The following SQLE variants were observed in gnomAD, a reference collection of about 807,000 sequenced individuals.
The protein encoded by SQLE is squalene monooxygenase.
Under a neutral mutation model 60.7 loss-of-function variants are expected in SQLE, and 29 were observed. That is an observed-to-expected ratio of 0.48 (90% CI 0.36 to 0.65). The LOEUF is 0.65. SQLE is among the 30% of genes least tolerant of loss of function. SQLE has a pLI of 0.00. For missense variants in SQLE, 605 were observed against 684.1 expected, an observed-to-expected ratio of 0.88 and a Z score of 1.29; for synonymous variants, 237 against 246.8, an observed-to-expected ratio of 0.96 and a Z score of 0.37.
In SQLE at chr8:125,016,246, C is replaced by T. The variant is rs1348182774; in HGVS notation, c.1205-1813C>T. On this transcript the variant is annotated intron_variant, in intron 7 of 10. Transcript: ENST00000265896. This position sits in a 1 kb window ranked among gnomAD's most constrained non-coding sequence, Gnocchi z 4.1. ...TAAAGGCCAAGAACTTAGATTTGCT[C>T]TTTTGAAATTATTTTCTAGATCTTG... Among the ~76,000 whole-genome samples the T allele has an allele frequency of 6.6e-6, 1 of 152,080 alleles. No homozygotes were observed. The highest frequency in any genetic ancestry group is 1.5e-5 in the Non-Finnish European group (1 of 68,016).
At chr8:125,003,003 C>T (rs919323247) in intron 1 of SQLE, among the ~76,000 whole-genome samples, 173 bp from the exon 2 acceptor site, 6 of 151,972 alleles carry the variant, frequency 3.9e-5, no homozygotes, top group African/African-American at 7.3e-5. Flanking sequence ...ATTTTGATAT[C>T]ATTGATTTTT....
rs1032406004 is a variant in SQLE, at chr8:124,998,517, G to C, written c.-887G>C. 1.1e-5 allele frequency: 7 copies of C among 656,968 alleles called. No individual in the cohort carries two copies. Among genetic ancestry groups the C allele is most frequent in the Non-Finnish European group, 1.6e-5 (6 of 363,802 alleles). 40.7% of individuals were successfully genotyped at this position (656,968 alleles called of 1,614,324 possible). On this transcript the variant is annotated 5_prime_UTR_variant, in exon 1 of 11. Transcript: ENST00000265896. ...CGCCCAGCTGGCTGAGACGCGTGGA[G>C]CCTGGCGGCGAGTGGGGGCGTGCGA...
chr8:125,000,510 C>T (rs1242626897), intron 1 of SQLE, among the ~76,000 whole-genome samples: 2 of 152,192 alleles, frequency 1.3e-5, no homozygotes, highest in African/African-American at 4.8e-5. Flanking sequence ...GTGGCGTGAT[C>T]TCGGCTCACT....
chr8:125,009,198 T>C lies in SQLE; in HGVS notation c.963T>C (p.His321=). Reference sequence around the variant, plus strand: ...ATGCACCACAGTTTAAAGCAAATCATGCTGAACTTATTTTAGCTAACCCGA... The same window carrying C: ...ATGCACCACAGTTTAAAGCAAATCACGCTGAACTTATTTTAGCTAACCCGA... ...MKNAPQFKAN[H]AELILANPSP... The change falls in exon 6 of 11, where the codon CAT becomes CAC. Residue 321 remains histidine (H), a synonymous_variant. Coordinates refer to ENST00000265896, the MANE Select transcript of SQLE (RefSeq NM_003129.4). The C allele has an allele frequency of 1.2e-6, 2 of 1,612,146 alleles. No homozygotes were observed. Among genetic ancestry groups the C allele is most frequent in the Non-Finnish European group, 1.7e-6 (2 of 1,179,202 alleles).
chr8:125,006,736 G>T (rs1357094153), intron 3 of SQLE, among the ~76,000 whole-genome samples: 1 of 145,448 alleles, frequency 6.9e-6, no homozygotes, highest in Non-Finnish European at 1.5e-5. Context: ...ACTGAGTCTC[G>T]CTCTGTCACC....
chr8:124,998,816 T>C lies in SQLE; in HGVS notation c.-588T>C, dbSNP rs958603788. 4.1e-6 allele frequency: 2 copies of C among 491,710 alleles called. No homozygotes were observed. Among genetic ancestry groups the C allele is most frequent in the Non-Finnish European group, 3.6e-6 (1 of 276,230 alleles). The allele number at this position is 491,710 out of a possible 1,614,324, so 30.5% of individuals were successfully genotyped here. On this transcript the variant is annotated 5_prime_UTR_variant, in exon 1 of 11. Coordinates refer to ENST00000265896, the MANE Select transcript of SQLE (RefSeq NM_003129.4). ...GTTGGAGAAGGCGTCGGCGTTGGCGTTTTCCCGAGGTTGGGCTGTACAGTG... is the reference window on the plus strand; with the variant it reads ...GTTGGAGAAGGCGTCGGCGTTGGCGCTTTCCCGAGGTTGGGCTGTACAGTG...
chr8:125,004,305 AC>A (rs1814911855), intron 2 of SQLE, among the ~76,000 whole-genome samples: 1 of 152,214 alleles, frequency 6.6e-6, no homozygotes, highest in Non-Finnish European at 1.5e-5. Context: ...TTTAGGTAAC[AC>A]TATAGTGAAC....
Position 124,998,531 on chromosome 8 carries a change from G to T in SQLE, c.-873G>T, listed in dbSNP as rs890114226. 4.5e-6 allele frequency: 3 copies of T among 666,512 alleles called. No homozygotes were observed. Among genetic ancestry groups the T allele is most frequent in the African/African-American group, 3.7e-5 (2 of 53,806 alleles). The allele number at this position is 666,512 out of a possible 1,614,324, so 41.3% of individuals were successfully genotyped here. ...AGACGCGTGGAGCCTGGCGGCGAGT[G>T]GGGGCGTGCGACGGTTACTCTGGTT... On this transcript the variant is annotated 5_prime_UTR_variant, in exon 1 of 11. Coordinates refer to ENST00000265896, the MANE Select transcript of SQLE (RefSeq NM_003129.4).
chr8:125,009,244 A>C lies in SQLE; in HGVS notation c.1009A>C (p.Ile337Leu). Residue 337 changes from isoleucine to leucine, a missense_variant, in exon 6 of 11, where the codon ATT (isoleucine) becomes CTT (leucine). By Grantham distance (5) the Ile-to-Leu change is conservative. Coordinates refer to ENST00000265896, the MANE Select transcript of SQLE (RefSeq NM_003129.4). The stretch of plus-strand genomic sequence containing the variant: ...CCCGAGTCCAGTTCTCATCTACCAG[A>C]TTTCATCCAGTGAAACTCGAGTACT... ...ANPSPVLIYQISSSETRVLVD... is the reference protein window; with the variant it reads ...ANPSPVLIYQLSSSETRVLVD... 1 of 1,613,936 alleles carries C rather than the reference A, an allele frequency of 6.2e-7. No individual in the cohort carries two copies. The highest frequency in any genetic ancestry group is 8.5e-7 in the Non-Finnish European group (1 of 1,179,880).
intron 7 of SQLE, among the ~76,000 whole-genome samples, chr8:125,017,573 A>G (rs969996854): frequency 6.6e-6 from 1 of 152,072 alleles, no homozygotes; most frequent in African/African-American, 2.4e-5. Flanking sequence ...GCCAAGACCT[A>G]GAATCAGGGA....
intron 7 of SQLE, among the ~76,000 whole-genome samples, chr8:125,017,116 T>C (rs574221138): frequency 6.6e-6 from 1 of 152,162 alleles, no homozygotes; most frequent in African/African-American, 2.4e-5. Flanking sequence ...TGGTGATGAC[T>C]GCCTGGTCAC....
At chr8:125,008,869 C>G in intron 4 of SQLE, 102 bp from the exon 5 acceptor site, 1 of 759,300 alleles carries the variant, frequency 1.3e-6, no homozygotes, top group Non-Finnish European at 2.0e-6. Flanking sequence ...ATAATGCTAT[C>G]TGATAATATA....
chr8:125,007,441 T>A lies in SQLE; in HGVS notation c.776T>A (p.Val259Asp), dbSNP rs368750766. 9.0e-6 allele frequency: 14 copies of A among 1,556,826 alleles called. No individual in the cohort carries two copies. The highest frequency in any genetic ancestry group is 8.2e-5 in the African/African-American group (6 of 73,470). Residue 259 changes from valine to aspartate, a missense_variant, in exon 4 of 11, where the codon GTT (valine) becomes GAT (aspartate). Physicochemically the swap from Val to Asp is radical, Grantham distance 152. Coordinates refer to ENST00000265896, the MANE Select transcript of SQLE (RefSeq NM_003129.4). ...VVLQLLEEDD[V>D]VMGVQYKDKE... ...TTACAGTTATTAGAGGAAGATGATGTTGTGATGGGAGTTCAGTACAAGGAT... is the reference window on the plus strand; with the variant it reads ...TTACAGTTATTAGAGGAAGATGATGATGTGATGGGAGTTCAGTACAAGGAT...
intron 2 of SQLE, among the ~76,000 whole-genome samples, chr8:125,004,839 T>A (rs1384945711): frequency 1.3e-5 from 2 of 152,138 alleles, no homozygotes; most frequent in Non-Finnish European, 2.9e-5. Flanking sequence ...ATATTTTCTA[T>A]TGAAAGTTTT....
At chr8:125,012,557 G>A (rs1815053648) in intron 7 of SQLE, among the ~76,000 whole-genome samples, 3 of 152,140 alleles carry the variant, frequency 2.0e-5, no homozygotes, top group Admixed American at 2.0e-4. Context: ...ATGTTTTTGA[G>A]GTTCATTCAT....
chr8:124,999,251 G>A lies in SQLE; in HGVS notation c.-153G>A, dbSNP rs1020316633. ...TAACTTTATATGATTTTTAAAAACTGGTCTGATCGGACTTCTCGTCCTGGG... is the reference window on the plus strand; with the variant it reads ...TAACTTTATATGATTTTTAAAAACTAGTCTGATCGGACTTCTCGTCCTGGG... On this transcript the variant is annotated 5_prime_UTR_variant, in exon 1 of 11. An upstream open reading frame in the 5' UTR gains an earlier in-frame stop. Coordinates refer to ENST00000265896, the MANE Select transcript of SQLE (RefSeq NM_003129.4). 11 of 618,840 alleles carry A rather than the reference G, an allele frequency of 1.8e-5. No individual in the cohort carries two copies. The African/African-American group carries it at 2.1e-4, about 12-fold the overall frequency. The allele number at this position is 618,840 out of a possible 1,614,324, so 38.3% of individuals were successfully genotyped here. A position where few individuals can be genotyped will look rare whatever the true frequency, so the allele number is the denominator to read the frequency against.
rs766462696 is a variant in SQLE, at chr8:124,999,497, G to C, written c.94G>C (p.Val32Leu). ...GGCCAACAGGGAGGTCCTGTTGTGC[G>C]TGCTGGTGTTCCTCTCGCTGGGCCT... is the stretch of plus-strand genomic sequence containing the variant. ...TLANREVLLC[V>L]LVFLSLGLVL... Residue 32 changes from valine (V) to leucine (L), a missense_variant, in exon 1 of 11, where the codon GTG becomes CTG. Physicochemically the swap from Val to Leu is conservative, Grantham distance 32 (BLOSUM62 1). Coordinates refer to ENST00000265896, the MANE Select transcript of SQLE (RefSeq NM_003129.4). The C allele has an allele frequency of 1.9e-6, 3 of 1,607,000 alleles. No individual in the cohort carries two copies. The highest frequency in any genetic ancestry group is 8.5e-7 in the Non-Finnish European group (1 of 1,176,180).
At chr8:125,009,687 C>T (rs1475450626) in intron 6 of SQLE, among the ~76,000 whole-genome samples, 1 of 151,728 alleles carries the variant, frequency 6.6e-6, no homozygotes, top group Admixed American at 6.6e-5. Context: ...CCCAGCTACT[C>T]AGGAGGCTGA....
rs910287785 is a variant in SQLE, at chr8:125,021,948, T to C, written c.*3T>C. 6.3e-7 allele frequency: 1 copy of C among 1,579,010 alleles called. No individual in the cohort carries two copies. The highest frequency in any genetic ancestry group is 8.6e-7 in the Non-Finnish European group (1 of 1,159,824). On this transcript the variant is annotated 3_prime_UTR_variant, in exon 11 of 11. Coordinates refer to ENST00000265896, the MANE Select transcript of SQLE (RefSeq NM_003129.4). ...AAATGAAGTATATGGTTCATTAAGCTTAAAGGGGAACCATTTGTGAATGAA... is the reference window on the plus strand; with the variant it reads ...AAATGAAGTATATGGTTCATTAAGCCTAAAGGGGAACCATTTGTGAATGAA...
Sources: allele counts gnomAD v4.1 joint callset (sites outside exome capture counted in the v4.1 genomes callset), GRCh38; gene constraint gnomAD v4.1.1; non-coding constraint Gnocchi (gnomAD v3.1); transcripts MANE v1.5; gene names NCBI Gene and HGNC (gene_info 2026-07-23, HGNC 2026-07-21).